Variants in CSMD1 observed in about 807,000 individuals in gnomAD.
CSMD1 encodes the protein CUB and Sushi multiple domains 1.
Under a neutral mutation model 417.5 loss-of-function variants are expected in CSMD1, and 213 were observed. The ratio of observed to expected loss-of-function variants is 0.51; its 90% CI spans 0.46 to 0.57. The LOEUF is 0.57. Ranked by LOEUF, CSMD1 falls within the 20% of genes least tolerant of loss-of-function variation. The probability of loss-of-function intolerance (pLI) is 0.00; values close to 1 mark genes in which losing one functional copy is unlikely to be tolerated. For synonymous variants in CSMD1, 2,862 were observed against 1,736.8 expected, an observed-to-expected ratio of 1.65 and a Z score of -16.11; for missense variants, 6,923 against 4,529.7, an observed-to-expected ratio of 1.53 and a Z score of -15.17.
At chr8:3,301,778 G>A (rs1804427570) in intron 25 of CSMD1, among the ~76,000 whole-genome samples, 1 of 152,142 alleles carries the variant, frequency 6.6e-6, no homozygotes, top group South Asian at 2.1e-4. Flanking sequence ...TACAGTGAGG[G>A]TATTTGAGAG....
At chr8:4,320,702 G>T (rs749142341) in intron 3 of CSMD1, among the ~76,000 whole-genome samples, 2 of 152,084 alleles carry the variant, frequency 1.3e-5, no homozygotes, top group African/African-American at 2.4e-5. Context: ...CTTTTTTATG[G>T]CTGCATAGTA....
chr8:4,794,222 T>C (rs1797852951), intron 1 of CSMD1, among the ~76,000 whole-genome samples: 1 of 134,716 alleles, frequency 7.4e-6, no homozygotes, highest in Non-Finnish European at 1.7e-5. Flanking sequence ...GGATCATTTT[T>C]ATCACACTTT....
chr8:3,417,252 C>G (rs115097597), intron 12 of CSMD1, among the ~76,000 whole-genome samples: 1 of 152,134 alleles, frequency 6.6e-6, no homozygotes, highest in Admixed American at 6.5e-5. Flanking sequence ...AAATTCCATA[C>G]GGTTTGCTAC....
chr8:2,979,279 A>G (rs932337640), intron 54 of CSMD1, among the ~76,000 whole-genome samples: 1 of 152,244 alleles, frequency 6.6e-6, no homozygotes, highest in Non-Finnish European at 1.5e-5. Flanking sequence ...TGTAGAACGC[A>G]ACTAAAAATG....
chr8:3,784,484 G>A (rs1584993186), intron 5 of CSMD1, among the ~76,000 whole-genome samples: 2 of 152,150 alleles, frequency 1.3e-5, no homozygotes, highest in Admixed American at 6.5e-5. Flanking sequence ...AACTTCTAGG[G>A]ATGGGCACTT....
At chr8:4,768,415 G>A (rs1399655633) in intron 1 of CSMD1, among the ~76,000 whole-genome samples, 1 of 152,202 alleles carries the variant, frequency 6.6e-6, no homozygotes, top group African/African-American at 2.4e-5. Context: ...TCTGCCGGGT[G>A]TCAGCGACTG....
intron 5 of CSMD1, among the ~76,000 whole-genome samples, chr8:3,774,529 G>A (rs962196517): frequency 1.3e-5 from 2 of 152,244 alleles, no homozygotes; most frequent in African/African-American, 2.4e-5. Context: ...ACATGAATTG[G>A]TATTAATCTT....
chr8:3,521,307 C>A (rs571870998), intron 10 of CSMD1, among the ~76,000 whole-genome samples: 6 of 152,316 alleles, frequency 3.9e-5, no homozygotes, highest in Admixed American at 6.5e-5. Flanking sequence ...GACTTACTCT[C>A]TCTCAAATTC....
chr8:3,566,971 C>A (rs937756264), intron 10 of CSMD1, among the ~76,000 whole-genome samples: 3 of 152,170 alleles, frequency 2.0e-5, no homozygotes, highest in East Asian at 1.9e-4. Context: ...AAGACACATG[C>A]AGGTATAAGT....
At chr8:4,329,688 T>C (rs1799759887) in intron 3 of CSMD1, among the ~76,000 whole-genome samples, 1 of 152,178 alleles carries the variant, frequency 6.6e-6, no homozygotes, top group Non-Finnish European at 1.5e-5. Context: ...TGTTGAGATG[T>C]GATACCCAGT....
At chr8:3,642,235 C>T (rs544104946) in intron 7 of CSMD1, among the ~76,000 whole-genome samples, 3 of 151,472 alleles carry the variant, frequency 2.0e-5, no homozygotes, top group Middle Eastern at 3.4e-3. Context: ...ATGGTGAAAC[C>T]CCCAAGAAGT....
chr8:3,172,963 T>C (rs1820676631), intron 37 of CSMD1, among the ~76,000 whole-genome samples: 1 of 152,180 alleles, frequency 6.6e-6, no homozygotes. Flanking sequence ...ACCACTGAAA[T>C]AACTGAGGTA....
intron 26 of CSMD1, among the ~76,000 whole-genome samples, chr8:3,260,489 A>G (rs1041538921): frequency 3.9e-5 from 6 of 152,110 alleles, no homozygotes; most frequent in African/African-American, 1.2e-4. Context: ...TGGATACAAG[A>G]ACGTTCCACC....
intron 3 of CSMD1, among the ~76,000 whole-genome samples, chr8:4,107,995 A>G (rs12542391): frequency 0.99 from 150,202 of 151,876 alleles, 74,285 homozygotes; most frequent in South Asian, 1. Context: ...GAGAAGTAGA[A>G]AGTAAGGGAA....
chr8:4,049,288 C>A (rs775303094), intron 3 of CSMD1, among the ~76,000 whole-genome samples: 15 of 151,978 alleles, frequency 9.9e-5, no homozygotes, highest in Non-Finnish European at 1.0e-4. Context: ...TGGAGATTGT[C>A]TGGCTGTAGG....
At chr8:3,535,114 TA>T (rs1271975342) in intron 10 of CSMD1, among the ~76,000 whole-genome samples, 4 of 138,816 alleles carry the variant, frequency 2.9e-5, no homozygotes, top group Admixed American at 7.2e-5. Flanking sequence ...AGTCAGCTAA[TA>T]TTTTTTTTTT....
intron 27 of CSMD1, among the ~76,000 whole-genome samples, chr8:3,227,726 T>G (rs1313480957): frequency 6.6e-6 from 1 of 151,738 alleles, no homozygotes. Flanking sequence ...AAAAGTGCAA[T>G]TTACGAAACA....
chr8:3,238,676 T>C lies in CSMD1; in HGVS notation c.4154-8445A>G, dbSNP rs964274169. Among the ~76,000 whole-genome samples, 17 of 152,074 alleles carry C rather than the reference T, an allele frequency of 1.1e-4. No individual in the cohort carries two copies. In the East Asian group the frequency reaches 2.9e-3, roughly 26 times the overall value. On this transcript the variant is annotated intron_variant, in intron 26 of 69. Coordinates refer to ENST00000635120, the MANE Select transcript of CSMD1 (RefSeq NM_033225.6). ...GGCCTGGATACAGTTTTGTATGAAT[T>C]GAAAAACTAAACGGAATAAGAGGAG...
At chr8:4,924,156 G>A (rs1806693877) in intron 1 of CSMD1, among the ~76,000 whole-genome samples, 1 of 152,146 alleles carries the variant, frequency 6.6e-6, no homozygotes, top group Non-Finnish European at 1.5e-5. Flanking sequence ...GACACTCGAT[G>A]TTGAATACAG....
Sources: allele counts gnomAD v4.1 joint callset (sites outside exome capture counted in the v4.1 genomes callset), GRCh38; gene constraint gnomAD v4.1.1; transcripts MANE v1.5; gene names NCBI Gene and HGNC (gene_info 2026-07-23, HGNC 2026-07-21).